The following DIP2A variants were observed in gnomAD, a reference collection of about 807,000 sequenced individuals.
DIP2A encodes DIP2 acetate--CoA ligase A.
Under a neutral mutation model 177.4 loss-of-function variants are expected in DIP2A, and 85 were observed. The ratio of observed to expected loss-of-function variants is 0.48; its 90% CI spans 0.40 to 0.57. The LOEUF (loss-of-function observed/expected upper bound fraction) is 0.57. DIP2A is among the 20% of genes least tolerant of loss of function. DIP2A has a pLI of 0.00. For synonymous variants in DIP2A, 886 were observed against 881.8 expected, an observed-to-expected ratio of 1.00 and a Z score of -0.08; for missense variants, 1,791 against 2,100.2, an observed-to-expected ratio of 0.85 and a Z score of 2.88.
At position 46,556,104 on chromosome 21, in the gene DIP2A, A is replaced by C. The variant is rs1378719946; in HGVS notation, c.3498+13A>C. ...AGCGGGAGTGAAGGTAGGTCCTCTG[A>C]AATCTTGTTTGCTTCAGCCCCTAGA... On this transcript the variant is annotated intron_variant, in intron 29 of 37. Transcript: ENST00000417564. This position sits in a 1 kb window ranked among gnomAD's most constrained non-coding sequence, Gnocchi z 4.5. 3.1e-6 allele frequency: 5 copies of C among 1,607,690 alleles called. No homozygotes were observed. The highest frequency in any genetic ancestry group is 4.3e-6 in the Non-Finnish European group (5 of 1,174,326).
At chr21:46,486,462 G>A (rs1206804449) in intron 2 of DIP2A, among the ~76,000 whole-genome samples, 2 of 152,190 alleles carry the variant, frequency 1.3e-5, no homozygotes, top group African/African-American at 4.8e-5. Flanking sequence ...CCAAAGTGCT[G>A]GGATTACAGG....
chr21:46,532,179 A>G lies in DIP2A; in HGVS notation c.1247A>G (p.Tyr416Cys). The change falls in exon 10 of 38, where the codon TAT becomes TGT. Residue 416 changes from tyrosine to cysteine, a missense_variant. Tyr to Cys is a radical substitution (Grantham distance 194, BLOSUM62 -2). Transcript: ENST00000417564. The stretch of plus-strand genomic sequence containing the variant: ...CCTGTGATGTTCATGGTTGCATTTT[A>G]TGGGTGTCTCCTGGCAGAGCTGGTT... ...SDPVMFMVAF[Y>C]GCLLAELVPV... The G allele has an allele frequency of 6.2e-7, 1 of 1,613,932 alleles. No individual in the cohort carries two copies. The highest frequency in any genetic ancestry group is 8.5e-7 in the Non-Finnish European group (1 of 1,179,862).
intron 8 of DIP2A, among the ~76,000 whole-genome samples, chr21:46,523,097 G>A (rs2058899537): frequency 6.6e-6 from 1 of 150,996 alleles, no homozygotes; most frequent in Non-Finnish European, 1.5e-5. Context: ...AGCTAATTTT[G>A]TATTTTTAGT....
downstream of DIP2A, among the ~76,000 whole-genome samples, chr21:46,570,462 A>G (rs933225740): frequency 6.6e-6 from 1 of 152,190 alleles, no homozygotes; most frequent in Non-Finnish European, 1.5e-5. Context: ...CTTATGGTCA[A>G]GTTTTTTCTT....
At chr21:46,473,486 G>A (rs2055581347) in intron 1 of DIP2A, among the ~76,000 whole-genome samples, 1 of 151,684 alleles carries the variant, frequency 6.6e-6, no homozygotes, top group African/African-American at 2.4e-5. Context: ...GGCCATGGCG[G>A]TGGTTTTTCT....
chr21:46,487,097 A>G (rs2056745286), intron 2 of DIP2A, among the ~76,000 whole-genome samples: 2 of 152,208 alleles, frequency 1.3e-5, no homozygotes, highest in Admixed American at 1.3e-4. Flanking sequence ...TGGAAGTTAA[A>G]TTGGAGAGGG....
chr21:46,508,451 C>T (rs917356531), intron 6 of DIP2A, among the ~76,000 whole-genome samples: 89 of 150,206 alleles, frequency 5.9e-4, no homozygotes, highest in Non-Finnish European at 1.2e-3. Flanking sequence ...CTCCGCCTCC[C>T]GGGTTCATGC....
At chr21:46,503,219 G>A (rs972978591) in intron 5 of DIP2A, among the ~76,000 whole-genome samples, 1 of 151,778 alleles carries the variant, frequency 6.6e-6, no homozygotes, top group African/African-American at 2.4e-5. Context: ...GCTACTTGGG[G>A]GACTGAGACA....
At chr21:46,539,717 A>G (rs1337188617) in intron 16 of DIP2A, 160 bp from the exon 17 acceptor site, 10 of 679,992 alleles carry the variant, frequency 1.5e-5, no homozygotes, top group Admixed American at 2.1e-5. Flanking sequence ...CTTGAAGAAC[A>G]TGAAGTCTGA....
Position 46,504,461 on chromosome 21 carries a change from C to T in DIP2A, c.756C>T (p.Cys252=). 2.5e-6 allele frequency: 4 copies of T among 1,611,832 alleles called. No homozygotes were observed. The highest frequency in any genetic ancestry group is 3.4e-6 in the Non-Finnish European group (4 of 1,178,606). ...VASVRSVPRG[C]SGSMLETADG... The stretch of plus-strand genomic sequence containing the variant: ...CTGTGAGAAGTGTTCCTCGGGGGTG[C>T]AGCGGGAGCATGCTGGAAACAGCAG... The change falls in exon 6 of 38, where the codon TGC becomes TGT. Residue 252 remains cysteine (C), a synonymous_variant. Coordinates refer to ENST00000417564, the MANE Select transcript of DIP2A (RefSeq NM_015151.4).
intron 8 of DIP2A, among the ~76,000 whole-genome samples, chr21:46,518,767 G>A (rs1443571201): frequency 3.3e-5 from 5 of 152,230 alleles, no homozygotes; most frequent in Non-Finnish European, 5.9e-5. Context: ...TGAGGCATGA[G>A]AATTGCTTGA....
chr21:46,472,609 A>G (rs962663123), intron 1 of DIP2A, among the ~76,000 whole-genome samples: 6 of 152,212 alleles, frequency 3.9e-5, no homozygotes, highest in Admixed American at 1.3e-4. Context: ...GCGGGGATGG[A>G]CATGAAGACA....
rs895422274 is a variant in DIP2A at position 46,539,603 on chromosome 21, T to C, written c.1922-274T>C. ...TCCTTGCAGTGCCGTGCAGCTTGTC[T>C]CCCACCACATGCAGCACCTTCCTGT... On this transcript the variant is annotated intron_variant, in intron 16 of 37. Coordinates refer to ENST00000417564, the MANE Select transcript of DIP2A (RefSeq NM_015151.4). 4.6e-5 allele frequency: 21 copies of C among 461,476 alleles called. No individual in the cohort carries two copies. In the Admixed American group the frequency reaches 6.7e-4, roughly 15 times the overall value. The allele number at this position is 461,476 out of a possible 1,614,324, so 28.6% of individuals were successfully genotyped here. A position where few individuals can be genotyped will look rare whatever the true frequency, so the allele number is the denominator to read the frequency against.
Position 46,554,672 on chromosome 21 carries a change from G to A in DIP2A, c.3252G>A (p.Leu1084=), listed in dbSNP as rs936231684. The stretch of plus-strand genomic sequence containing the variant: ...ACCCTCAGAACCTCGGCACCACACT[G>A]CCCACCGTCAAGATGATCGTGGAGG... ...PPHPQNLGTT[L]PTVKMIVEVS... Residue 1084 remains leucine (L), a synonymous_variant, in exon 27 of 38, where the codon CTG becomes CTA. Coordinates refer to ENST00000417564, the MANE Select transcript of DIP2A (RefSeq NM_015151.4). The A allele has an allele frequency of 6.4e-7, 1 of 1,573,800 alleles. No homozygotes were observed. Among genetic ancestry groups the A allele is most frequent in the Non-Finnish European group, 8.6e-7 (1 of 1,160,538 alleles).
chr21:46,490,565 T>TTC, intron 2 of DIP2A, 35 bp from the exon 3 acceptor site: 1 of 1,525,916 alleles, frequency 6.6e-7, no homozygotes, highest in Non-Finnish European at 8.8e-7. Flanking sequence ...AAGCAAATTG[T>TTC]TCACATAAGG....
At chr21:46,512,366 A>C (rs945483177) in intron 8 of DIP2A, among the ~76,000 whole-genome samples, 1 of 152,226 alleles carries the variant, frequency 6.6e-6, no homozygotes, top group Non-Finnish European at 1.5e-5. Flanking sequence ...ACATACTGCC[A>C]AACAGTTTTC....
At chr21:46,505,461 T>C (rs1173902014) in intron 6 of DIP2A, among the ~76,000 whole-genome samples, 2 of 151,916 alleles carry the variant, frequency 1.3e-5, no homozygotes, top group Non-Finnish European at 2.9e-5. Context: ...ACAAAAAAAT[T>C]AGCCGAGTGT....
chr21:46,482,527 T>C (rs569781133), intron 1 of DIP2A, among the ~76,000 whole-genome samples: 63 of 152,338 alleles, frequency 4.1e-4, no homozygotes, highest in Non-Finnish European at 8.1e-4. Context: ...TACTGTACAA[T>C]TTATTGTTAT....
intron 1 of DIP2A, among the ~76,000 whole-genome samples, chr21:46,477,571 TTC>T (rs1568928379): frequency 4.8e-4 from 32 of 66,560 alleles, no homozygotes; most frequent in African/African-American, 7.2e-4. Flanking sequence ...GTGTGTGTAT[TTC>T]TTTTTTTTTT....
Sources: allele counts gnomAD v4.1 joint callset (sites outside exome capture counted in the v4.1 genomes callset), GRCh38; gene constraint gnomAD v4.1.1; non-coding constraint Gnocchi (gnomAD v3.1); transcripts MANE v1.5; gene names NCBI Gene and HGNC (gene_info 2026-07-23, HGNC 2026-07-21).